The following NAALADL2 variants were observed in gnomAD, a reference collection of about 807,000 sequenced individuals.
NAALADL2 encodes the protein inactive N-acetylated-alpha-linked acidic dipeptidase-like protein 2.
Under a neutral mutation model 87.2 loss-of-function variants are expected in NAALADL2, and 76 were observed. The ratio of observed to expected loss-of-function variants is 0.87; its 90% confidence interval spans 0.72 to 1.05. NAALADL2 has a LOEUF of 1.05. NAALADL2 is among the 50% of genes least tolerant of loss of function. The pLI is 0.00. For synonymous variants in NAALADL2, 354 were observed against 331.0 expected (o/e 1.07, Z -0.75); for missense variants, 1,089 against 945.8 (o/e 1.15, Z -1.99).
intron 4 of NAALADL2, among the ~76,000 whole-genome samples, chr3:175,267,594 A>G (rs1410502637): frequency 6.6e-6 from 1 of 152,134 alleles, no homozygotes; most frequent in Non-Finnish European, 1.5e-5. Context: ...CTAATTTAGT[A>G]TGCTTCACAT....
chr3:174,800,218 G>A (rs1051043779), intron 3 of NAALADL2, among the ~76,000 whole-genome samples: 4 of 152,094 alleles, frequency 2.6e-5, no homozygotes, highest in Admixed American at 2.0e-4. Context: ...CAAGACGATG[G>A]AGAAAATATC....
chr3:175,022,551 G>A (rs1368643761), intron 1 of NAALADL2, among the ~76,000 whole-genome samples: 5 of 151,990 alleles, frequency 3.3e-5, no homozygotes, highest in Non-Finnish European at 5.9e-5. Flanking sequence ...ACAATTAAAG[G>A]TTATGAACCT....
At chr3:175,190,995 A>AG (rs1429456420) in intron 2 of NAALADL2, among the ~76,000 whole-genome samples, 13 of 151,360 alleles carry the variant, frequency 8.6e-5, no homozygotes, top group East Asian at 1.9e-4. Context: ...AAAAAAAAAA[A>AG]AAAGAAAAAG....
At chr3:175,007,430 A>G (rs551815866) in intron 1 of NAALADL2, among the ~76,000 whole-genome samples, 197 of 152,272 alleles carry the variant, frequency 1.3e-3, no homozygotes, top group African/African-American at 4.5e-3. Flanking sequence ...GCATGGGAGT[A>G]GAGTTGGGAA....
At chr3:174,994,039 A>G (rs780373723) in intron 1 of NAALADL2, among the ~76,000 whole-genome samples, 18 of 152,170 alleles carry the variant, frequency 1.2e-4, no homozygotes, top group Non-Finnish European at 1.6e-4. Flanking sequence ...CTATGACCTC[A>G]TCTTAACTTG....
chr3:174,719,581 A>G (rs1040934597), intron 2 of NAALADL2, among the ~76,000 whole-genome samples: 1 of 152,208 alleles, frequency 6.6e-6, no homozygotes, highest in Non-Finnish European at 1.5e-5. Flanking sequence ...TAATATTAGC[A>G]TGCAAGTGTT....
chr3:175,319,958 C>T (rs1447935436), intron 4 of NAALADL2, among the ~76,000 whole-genome samples: 3 of 152,220 alleles, frequency 2.0e-5, no homozygotes, highest in Admixed American at 6.5e-5. Flanking sequence ...CTGTCCTCAG[C>T]GAATGGTGCT....
intron 2 of NAALADL2, among the ~76,000 whole-genome samples, chr3:174,650,328 AG>A: frequency 6.6e-6 from 1 of 152,152 alleles, no homozygotes; most frequent in Non-Finnish European, 1.5e-5. Context: ...TCAAATAAGT[AG>A]GCAAAACACC....
At chr3:174,496,470 G>A (rs1718541982) in intron 1 of NAALADL2, among the ~76,000 whole-genome samples, 1 of 147,314 alleles carries the variant, frequency 6.8e-6, no homozygotes, top group African/African-American at 2.5e-5. Flanking sequence ...GCCAGCTTAT[G>A]GTGTGTGTCT....
rs13087172 is a variant in NAALADL2 at position 174,762,220 on chromosome 3, C to T, written c.-9+24474C>T. Among the ~76,000 whole-genome samples, 594 of 148,590 alleles carry T rather than the reference C, an allele frequency of 4.0e-3. 6 individuals carry two copies. Among genetic ancestry groups the T allele is most frequent in the South Asian group, 9.5e-3 (44 of 4,624 alleles). ...TGTCACCCAGGCTGGAGTGCAGTGGCGCCATCTCAGCTCACTGCAAGCTCC... is the reference window on the plus strand; with the variant it reads ...TGTCACCCAGGCTGGAGTGCAGTGGTGCCATCTCAGCTCACTGCAAGCTCC... On this transcript the variant is annotated intron_variant, in intron 3 of 3. Transcript: ENST00000434257.
At chr3:174,770,448 A>G (rs1211210391) in intron 3 of NAALADL2, among the ~76,000 whole-genome samples, 13 of 152,272 alleles carry the variant, frequency 8.5e-5, no homozygotes, top group African/African-American at 2.9e-4. Context: ...TATGATTGGT[A>G]ATCTTTTATA....
chr3:175,043,414 T>G (rs1174260364), intron 1 of NAALADL2, among the ~76,000 whole-genome samples: 2 of 152,066 alleles, frequency 1.3e-5, no homozygotes, highest in Non-Finnish European at 2.9e-5. Context: ...AAATTTCGTA[T>G]TTTTAGTAGA....
intron 1 of NAALADL2, among the ~76,000 whole-genome samples, chr3:175,052,505 G>A (rs960464456): frequency 2.0e-5 from 3 of 152,116 alleles, no homozygotes; most frequent in Admixed American, 2.0e-4. Flanking sequence ...ACTATACAAA[G>A]ACAAACAACA....
chr3:174,782,843 A>G (rs1164432299), intron 3 of NAALADL2, among the ~76,000 whole-genome samples: 1 of 152,124 alleles, frequency 6.6e-6, no homozygotes, highest in African/African-American at 2.4e-5. Flanking sequence ...AACCGCCCCC[A>G]TGATTCAATT....
chr3:175,169,955 A>G (rs557336106), intron 2 of NAALADL2, among the ~76,000 whole-genome samples: 1 of 151,982 alleles, frequency 6.6e-6, no homozygotes, highest in African/African-American at 2.4e-5. Flanking sequence ...AGTTCTACAC[A>G]TTTTATTCCC....
intron 1 of NAALADL2, among the ~76,000 whole-genome samples, chr3:174,919,452 ACT>A (rs1431317009): frequency 1.3e-5 from 2 of 152,182 alleles, no homozygotes; most frequent in Non-Finnish European, 2.9e-5. Context: ...TCAAGAAACC[ACT>A]GTCTTTGCTC....
rs1717575867 is a variant in NAALADL2 at position 175,430,551 on chromosome 3, G to A, written c.1091-16678G>A. On this transcript the variant is annotated intron_variant, in intron 5 of 13. Transcript: ENST00000454872. ...CTAGTTTGTCTTCCAGCTAAAATCAGTAGGATGGGCTGATGTTATCTTCAT... is the reference window on the plus strand; with the variant it reads ...CTAGTTTGTCTTCCAGCTAAAATCAATAGGATGGGCTGATGTTATCTTCAT... Among the ~76,000 whole-genome samples the A allele has an allele frequency of 2.0e-5, 3 of 151,888 alleles. No individual in the cohort carries two copies. In the South Asian group the frequency reaches 6.2e-4, roughly 31 times the overall value.
chr3:174,812,185 G>T (rs1471067062), intron 3 of NAALADL2, among the ~76,000 whole-genome samples: 2 of 151,952 alleles, frequency 1.3e-5, no homozygotes, highest in East Asian at 1.9e-4. Flanking sequence ...AATACAAATT[G>T]CTTATTGTTC....
upstream of NAALADL2, among the ~76,000 whole-genome samples, chr3:174,857,438 G>A (rs116546916): frequency 6.2e-4 from 95 of 152,108 alleles, no homozygotes; most frequent in Non-Finnish European, 9.3e-4. Context: ...CACTTTCATC[G>A]TAATTTACCA....
Sources: allele counts gnomAD v4.1 joint callset (sites outside exome capture counted in the v4.1 genomes callset), GRCh38; gene constraint gnomAD v4.1.1; transcripts MANE v1.5; gene names NCBI Gene and HGNC (gene_info 2026-07-23, HGNC 2026-07-21).